RAP1A: variants seen among roughly 807,000 people sequenced by gnomAD.
RAP1A encodes the protein RAP1A, member of RAS oncogene family.
RAP1A carries 6 observed loss-of-function variants against 26.4 expected under a neutral mutation model. The ratio of observed to expected loss-of-function variants is 0.23; its 90% confidence interval spans 0.12 to 0.45. The LOEUF (loss-of-function observed/expected upper bound fraction) is 0.45. Ranked by LOEUF, RAP1A falls within the 20% of genes least tolerant of loss-of-function variation. The probability of loss-of-function intolerance (pLI) is 0.99; values close to 1 mark genes in which losing one functional copy is unlikely to be tolerated. For synonymous variants in RAP1A, 73 were observed against 79.4 expected, an observed-to-expected ratio of 0.92 and a Z score of 0.43; for missense variants, 121 against 217.2, an observed-to-expected ratio of 0.56 and a Z score of 2.78.
At chr1:111,573,335 C>T (rs1368043301) in intron 1 of RAP1A, among the ~76,000 whole-genome samples, 2 of 152,290 alleles carry the variant, frequency 1.3e-5, no homozygotes, top group East Asian at 3.9e-4. Flanking sequence ...AATGGTTAAA[C>T]TAATTTGCAC....
chr1:111,542,340 T>A, exon 1 of RAP1A: 1 of 419,232 alleles, frequency 2.4e-6, no homozygotes, highest in Non-Finnish European at 4.9e-6. Context: ...TCTGTGTGGC[T>A]CCTTCCACGT....
rs72991098 is a variant in RAP1A at position 111,715,367 on chromosome 1, C to T, written c.*2966C>T. ...TGCTGGGATTACAGGCGTGAGCCAC[C>T]GCGCCTGGCCCGGTTAATACTTTCA... On this transcript the variant is annotated 3_prime_UTR_variant, in exon 8 of 8. Transcript: ENST00000369709. 11,822 of 150,758 alleles carry T rather than the reference C, an allele frequency of 0.078. 589 individuals carry two copies. Among genetic ancestry groups the T allele is most frequent in the African/African-American group, 0.15 (6,171 of 40,384 alleles). 9.3% of individuals were successfully genotyped at this position (150,758 alleles called of 1,614,324 possible).
intron 1 of RAP1A, among the ~76,000 whole-genome samples, chr1:111,675,072 T>G (rs796546234): frequency 2.6e-5 from 4 of 152,314 alleles, no homozygotes; most frequent in African/African-American, 9.6e-5. Flanking sequence ...ATTTAATTCT[T>G]TAGTGTGTTT....
intron 1 of RAP1A, among the ~76,000 whole-genome samples, chr1:111,661,605 C>T (rs1300222121): frequency 6.6e-6 from 1 of 151,914 alleles, no homozygotes; most frequent in Non-Finnish European, 1.5e-5. Context: ...TCGAGACCAG[C>T]CTGACCAACA....
chr1:111,584,196 A>C (rs1658318745), intron 1 of RAP1A, among the ~76,000 whole-genome samples: 2 of 152,116 alleles, frequency 1.3e-5, no homozygotes, highest in Non-Finnish European at 2.9e-5. Context: ...TTGATATTTC[A>C]ACTGTGAATG....
At chr1:111,572,190 G>A (rs1055777303) in intron 1 of RAP1A, among the ~76,000 whole-genome samples, 1 of 152,190 alleles carries the variant, frequency 6.6e-6, no homozygotes, top group African/African-American at 2.4e-5. Flanking sequence ...AGTAGGATTT[G>A]GCTGCCTTTC....
chr1:111,708,069 G>A (rs1246132038), intron 6 of RAP1A, among the ~76,000 whole-genome samples: 1 of 152,126 alleles, frequency 6.6e-6, no homozygotes, highest in Non-Finnish European at 1.5e-5. Context: ...CCAGCCGTTC[G>A]GGAGGCTGAG....
intron 1 of RAP1A, among the ~76,000 whole-genome samples, chr1:111,562,538 A>T (rs1380101390): frequency 1.3e-5 from 2 of 152,218 alleles, no homozygotes; most frequent in Non-Finnish European, 2.9e-5. Context: ...GATGATTTGG[A>T]AGTGGAAAAT....
intron 1 of RAP1A, among the ~76,000 whole-genome samples, chr1:111,633,655 T>C (rs931277038): frequency 6.6e-6 from 1 of 152,250 alleles, no homozygotes; most frequent in African/African-American, 2.4e-5. Flanking sequence ...GTTTCACACC[T>C]AGGACAAACC....
At chr1:111,553,109 C>A (rs1472870201) in intron 1 of RAP1A, among the ~76,000 whole-genome samples, 4 of 152,196 alleles carry the variant, frequency 2.6e-5, no homozygotes, top group Non-Finnish European at 5.9e-5. Flanking sequence ...TCATTAATTT[C>A]TCATGTTTCT....
chr1:111,636,330 A>C (rs760879060), intron 1 of RAP1A, among the ~76,000 whole-genome samples: 3 of 152,166 alleles, frequency 2.0e-5, no homozygotes, highest in Non-Finnish European at 2.9e-5. Flanking sequence ...TCTTGATTTT[A>C]GACAACAAAC....
intron 1 of RAP1A, among the ~76,000 whole-genome samples, chr1:111,659,099 A>G (rs1389204606): frequency 6.6e-6 from 1 of 152,040 alleles, no homozygotes; most frequent in African/African-American, 2.4e-5. Flanking sequence ...ATTTTTCTTC[A>G]TCTCTTTACT....
chr1:111,542,963 C>G (rs1015234364), intron 1 of RAP1A, among the ~76,000 whole-genome samples: 1 of 152,138 alleles, frequency 6.6e-6, no homozygotes, highest in Non-Finnish European at 1.5e-5. Flanking sequence ...TCCCAAAGTG[C>G]TGGGATTACA....
intron 1 of RAP1A, among the ~76,000 whole-genome samples, chr1:111,672,962 G>A (rs993615356): frequency 6.6e-6 from 1 of 151,978 alleles, no homozygotes; most frequent in Non-Finnish European, 1.5e-5. Flanking sequence ...GTTACTTTGG[G>A]TCTGGTGTTC....
exon 1 of RAP1A, chr1:111,542,348 C>A: frequency 2.6e-6 from 1 of 388,530 alleles, no homozygotes; most frequent in South Asian, 2.0e-5. Flanking sequence ...GCTCCTTCCA[C>A]GTGGGTGAAG....
Position 111,695,327 on chromosome 1 carries a change from T to C in RAP1A, c.58-14T>C. ...CCTTTAATTTTTTAATATTTCTCTT[T>C]TTTTTTCCCCCAGACAGTTCAGTTT... On this transcript the variant is annotated splice_polypyrimidine_tract_variant and intron_variant, in intron 2 of 7. Transcript: ENST00000369709. 1 of 1,544,288 alleles carries C rather than the reference T, an allele frequency of 6.5e-7. No homozygotes were observed. The highest frequency in any genetic ancestry group is 8.7e-7 in the Non-Finnish European group (1 of 1,149,674).
chr1:111,658,875 C>T (rs1397147352), intron 1 of RAP1A, among the ~76,000 whole-genome samples: 4 of 152,186 alleles, frequency 2.6e-5, no homozygotes, highest in Non-Finnish European at 5.9e-5. Context: ...TCATCTGTTT[C>T]TCCTTGCAGT....
chr1:111,605,597 G>A (rs1436315811), intron 1 of RAP1A, among the ~76,000 whole-genome samples: 1 of 152,188 alleles, frequency 6.6e-6, no homozygotes, highest in Non-Finnish European at 1.5e-5. Context: ...CTGATGATTT[G>A]TTAAAGATGT....
At chr1:111,645,004 C>A (rs867525304) in intron 1 of RAP1A, among the ~76,000 whole-genome samples, 1 of 152,134 alleles carries the variant, frequency 6.6e-6, no homozygotes, top group African/African-American at 2.4e-5. Flanking sequence ...AATATTATAT[C>A]TCTCTCAGCT....
Sources: allele counts gnomAD v4.1 joint callset (sites outside exome capture counted in the v4.1 genomes callset), GRCh38; gene constraint gnomAD v4.1.1; transcripts MANE v1.5; gene names NCBI Gene and HGNC (gene_info 2026-07-23, HGNC 2026-07-21).